MFAP3L: variants seen among roughly 807,000 people sequenced by gnomAD.
MFAP3L encodes microfibril associated protein 3 like, also known as microfibrillar-associated protein 3-like.
Under a neutral mutation model 20.0 loss-of-function variants are expected in MFAP3L, and 5 were observed. The observed-to-expected ratio is 0.25, with a 90% CI of 0.13 to 0.53. MFAP3L has a LOEUF of 0.53. Ranked by LOEUF, MFAP3L falls within the 20% of genes least tolerant of loss-of-function variation. MFAP3L has a pLI of 0.96. For synonymous variants in MFAP3L, 219 were observed against 213.0 expected, an observed-to-expected ratio of 1.03 and a Z score of -0.25; for missense variants, 409 against 527.5, an observed-to-expected ratio of 0.78 and a Z score of 2.20.
chr4:170,017,344 C>T (rs1739761070), intron 1 of MFAP3L, among the ~76,000 whole-genome samples: 1 of 152,092 alleles, frequency 6.6e-6, no homozygotes, highest in South Asian at 2.1e-4. Flanking sequence ...GGATTTAATT[C>T]TTAAGAGTGC....
At chr4:170,003,410 G>A (rs957792492) in intron 2 of MFAP3L, among the ~76,000 whole-genome samples, 15 of 152,104 alleles carry the variant, frequency 9.9e-5, no homozygotes, top group African/African-American at 3.4e-4. Flanking sequence ...CTACCAACTA[G>A]TTCAATGCCC....
Position 170,025,734 on chromosome 4 carries a change from A to G in MFAP3L, c.-134+500T>C, listed in dbSNP as rs548172066. On this transcript the variant is annotated intron_variant, in intron 1 of 2. Coordinates refer to ENST00000361618, the MANE Select transcript of MFAP3L (RefSeq NM_021647.8). ...CGAGGCGGCGGCTCGCAGCACCCAC[A>G]GCCGCCCGCACTCCTGCGGCATCAG... is the stretch of plus-strand genomic sequence containing the variant. Among the ~76,000 whole-genome samples, 25 of 151,498 alleles carry G rather than the reference A, an allele frequency of 1.7e-4. No individual in the cohort carries two copies. In the East Asian group the frequency reaches 4.7e-3, roughly 28 times the overall value.
chr4:170,012,366 T>G (rs11729181), intron 1 of MFAP3L, among the ~76,000 whole-genome samples: 9,329 of 152,270 alleles, frequency 0.061, 399 homozygotes, highest in Non-Finnish European at 0.094. Flanking sequence ...GAAGCAAGTG[T>G]CTCATTTACT....
In MFAP3L at chr4:169,991,456, C is replaced by A. The variant is rs1334858505; in HGVS notation, c.1152G>T (p.Pro384=). Residue 384 remains proline, a synonymous_variant, in exon 3 of 3, where the codon CCG becomes CCT. Transcript: ENST00000361618. This position sits in a 1 kb window ranked among gnomAD's most constrained non-coding sequence, Gnocchi z 4.9. ...GCTCTGTGGCTTCCAGGTAAGCTGG[C>A]GGCAGTACCTTATCTGGTACCTCAA... ...TPVEVPDKVL[P]PAYLEATEPA... 1 of 1,614,044 alleles carries A rather than the reference C, an allele frequency of 6.2e-7. No individual in the cohort carries two copies. Among genetic ancestry groups the A allele is most frequent in the Admixed American group, 1.7e-5 (1 of 60,018 alleles).
intron 1 of MFAP3L, among the ~76,000 whole-genome samples, chr4:170,016,938 G>A (rs777009274): frequency 2.0e-5 from 3 of 152,130 alleles, no homozygotes; most frequent in South Asian, 2.1e-4. Flanking sequence ...AAGACGAGGC[G>A]GAGATGCCAG....
intron 1 of MFAP3L, among the ~76,000 whole-genome samples, chr4:170,009,836 G>A (rs1739265652): frequency 6.6e-6 from 1 of 152,084 alleles, no homozygotes; most frequent in East Asian, 1.9e-4. Flanking sequence ...ATGTATTTCT[G>A]GAGCTAGAAG....
intron 1 of MFAP3L, among the ~76,000 whole-genome samples, chr4:170,013,217 T>C (rs1164210150): frequency 6.6e-6 from 1 of 152,186 alleles, no homozygotes; most frequent in African/African-American, 2.4e-5. Context: ...CCCAGGGTCA[T>C]CAAATCATTA....
chr4:169,999,046 A>G (rs577437903), intron 2 of MFAP3L, among the ~76,000 whole-genome samples: 1 of 152,380 alleles, frequency 6.6e-6, no homozygotes, highest in East Asian at 1.9e-4. Flanking sequence ...TTTACCAAAC[A>G]TAATTGAAAG....
At chr4:170,017,904 C>A (rs952061843) in intron 1 of MFAP3L, among the ~76,000 whole-genome samples, 1 of 152,152 alleles carries the variant, frequency 6.6e-6, no homozygotes, top group East Asian at 1.9e-4. Flanking sequence ...CCCATCTCTC[C>A]GCTGGGTAGT....
At chr4:169,994,289 T>C in intron 2 of MFAP3L, 1 of 985,328 alleles carries the variant, frequency 1.0e-6, no homozygotes, top group Middle Eastern at 5.2e-4. Context: ...ATCAGTTTGT[T>C]TACCTCCTCC....
chr4:170,002,682 G>A (rs952983180), intron 2 of MFAP3L, among the ~76,000 whole-genome samples: 3 of 151,720 alleles, frequency 2.0e-5, no homozygotes, highest in East Asian at 1.9e-4. Flanking sequence ...GCTAATTTTT[G>A]TATTTTTAGC....
chr4:169,997,521 G>A (rs1738266448), intron 2 of MFAP3L, among the ~76,000 whole-genome samples: 1 of 152,096 alleles, frequency 6.6e-6, no homozygotes, highest in Non-Finnish European at 1.5e-5. Context: ...ACAGATCATT[G>A]GCAAAAACAA....
At position 169,986,689 on chromosome 4, in the gene MFAP3L, T is replaced by C. The variant is rs751656471; in HGVS notation, c.*4689A>G. The C allele has an allele frequency of 5.9e-5, 9 of 152,200 alleles. No individual in the cohort carries two copies. Among genetic ancestry groups the C allele is most frequent in the Non-Finnish European group, 1.3e-4 (9 of 68,022 alleles). The allele number at this position is 152,200 out of a possible 1,614,324, so 9.4% of individuals were successfully genotyped here. A position where few individuals can be genotyped will look rare whatever the true frequency, so the allele number is the denominator to read the frequency against. ...CTGTTTTTGCTACTGTAATACCAAC[T>C]TATATGAGTAACTTGTTTACAACTT... On this transcript the variant is annotated 3_prime_UTR_variant, in exon 3 of 3. Coordinates refer to ENST00000361618, the MANE Select transcript of MFAP3L (RefSeq NM_021647.8).
chr4:170,001,864 C>T, intron 2 of MFAP3L: 1 of 927,998 alleles, frequency 1.1e-6, no homozygotes. Flanking sequence ...GTGACAGCAC[C>T]AGGCAAGCAA....
At chr4:170,025,947 G>A (rs1419446959) in intron 1 of MFAP3L, among the ~76,000 whole-genome samples, 1 of 152,028 alleles carries the variant, frequency 6.6e-6, no homozygotes, top group Non-Finnish European at 1.5e-5. Context: ...GCAGCTGGCA[G>A]TGGATTCCGC....
intron 2 of MFAP3L, among the ~76,000 whole-genome samples, chr4:169,997,917 A>G (rs1738310755): frequency 6.6e-6 from 1 of 151,946 alleles, no homozygotes. Flanking sequence ...CACAACTTAA[A>G]ATGAAGGTAG....
rs397768343 is a variant in MFAP3L at position 169,997,802 on chromosome 4, CTTTT to C, written c.299-5497_299-5494del. ...CCAGCTCGGCCTCCTTTCATTAATT[CTTTT>C]TTTTTTTTTTTTAATATTGCTGAGA... On this transcript the variant is annotated intron_variant, in intron 2 of 2. Coordinates refer to ENST00000361618, the MANE Select transcript of MFAP3L (RefSeq NM_021647.8). 8.5e-6 allele frequency: 8 copies of C among 941,884 alleles called. No individual in the cohort carries two copies. The South Asian group carries it at 2.5e-4, about 29-fold the overall frequency. 58.3% of individuals were successfully genotyped at this position (941,884 alleles called of 1,614,324 possible). A position where few individuals can be genotyped will look rare whatever the true frequency, so the allele number is the denominator to read the frequency against.
chr4:170,003,690 T>A (rs1738843782), intron 2 of MFAP3L: 2 of 985,310 alleles, frequency 2.0e-6, no homozygotes, highest in African/African-American at 3.5e-5. Flanking sequence ...AGGGTCCATG[T>A]AAAAGGGAGA....
At chr4:170,002,773 G>A (rs529463991) in intron 2 of MFAP3L, among the ~76,000 whole-genome samples, 3 of 151,816 alleles carry the variant, frequency 2.0e-5, no homozygotes, top group Non-Finnish European at 1.5e-5. Context: ...CTCCCAAAGT[G>A]CTGGGATTAC....
Sources: gnomAD v4.1 joint callset for allele counts (sites outside exome capture counted in the v4.1 genomes callset) on GRCh38, gnomAD v4.1.1 for gene constraint, Gnocchi (gnomAD v3.1) non-coding constraint, MANE v1.5 for transcripts, NCBI Gene and HGNC (gene_info 2026-07-23, HGNC 2026-07-21) for gene names.